The following AJAP1 variants were observed in gnomAD, a reference collection of about 807,000 sequenced individuals.
AJAP1 encodes the protein adherens junction-associated protein 1.
Under a neutral mutation model 35.0 loss-of-function variants are expected in AJAP1, and 5 were observed. The ratio of observed to expected loss-of-function variants is 0.14; its 90% confidence interval spans 0.07 to 0.30. The LOEUF (loss-of-function observed/expected upper bound fraction) is 0.30, where lower values mean the gene tolerates loss of function less well. Ranked by LOEUF, AJAP1 falls within the 10% of genes least tolerant of loss-of-function variation. AJAP1 has a pLI of 1.00. For synonymous variants in AJAP1, 284 were observed against 249.3 expected (o/e 1.14, Z -1.31); for missense variants, 586 against 571.0 (o/e 1.03, Z -0.27).
intron 2 of AJAP1, among the ~76,000 whole-genome samples, chr1:4,735,162 C>T (rs1275779733): frequency 6.6e-6 from 1 of 152,244 alleles, no homozygotes; most frequent in Admixed American, 6.5e-5. Flanking sequence ...CAAAAGCCTG[C>T]CACAGCACGC....
chr1:4,669,922 G>T (rs1430950984), intron 1 of AJAP1, among the ~76,000 whole-genome samples: 1 of 152,052 alleles, frequency 6.6e-6, no homozygotes, highest in Non-Finnish European at 1.5e-5. Flanking sequence ...ATCCTTTGAG[G>T]GACATACCTA....
At chr1:4,736,410 A>T (rs977884409) in intron 2 of AJAP1, among the ~76,000 whole-genome samples, 18 of 151,184 alleles carry the variant, frequency 1.2e-4, no homozygotes, top group African/African-American at 4.4e-4. Context: ...GTCACATCTT[A>T]CCCCCTCCCA....
In AJAP1 at chr1:4,711,870, C is replaced by T. The variant is rs200936818; in HGVS notation, c.30-30C>T. 3.0e-5 allele frequency: 43 copies of T among 1,436,880 alleles called. 1 individual carries two copies. In the East Asian group the frequency reaches 1.2e-3, roughly 40 times the overall value. 89.0% of individuals were successfully genotyped at this position (1,436,880 alleles called of 1,614,324 possible). On this transcript the variant is annotated intron_variant, in intron 1 of 5. Transcript: ENST00000378191. The stretch of plus-strand genomic sequence containing the variant: ...AGTCCCCCTCCTGGGCTTCCACTGA[C>T]CGCTCTTCTCTCCTTTCCCCCCCGC...
In AJAP1 at chr1:4,784,611, C is replaced by T. The variant is rs150334448; in HGVS notation, c.*2126C>T. 4 of 152,258 alleles carry T rather than the reference C, an allele frequency of 2.6e-5. No individual in the cohort carries two copies. Among genetic ancestry groups the T allele is most frequent in the Non-Finnish European group, 4.4e-5 (3 of 68,028 alleles). 9.4% of individuals were successfully genotyped at this position (152,258 alleles called of 1,614,324 possible). A position where few individuals can be genotyped will look rare whatever the true frequency, so the allele number is the denominator to read the frequency against. On this transcript the variant is annotated 3_prime_UTR_variant, in exon 6 of 6. Transcript: ENST00000378191. ...ACATGTGAACCTAGAGTAAGGCCTC[C>T]GGAGGTGAAAGGATTGTTTTTGTGA...
intron 2 of AJAP1, among the ~76,000 whole-genome samples, chr1:4,730,943 A>G (rs893940942): frequency 6.6e-6 from 1 of 152,200 alleles, no homozygotes; most frequent in Non-Finnish European, 1.5e-5. Flanking sequence ...CCTTTTGGGT[A>G]TGTCCTCTTA....
chr1:4,772,083 AT>A (rs111647192), intron 3 of AJAP1, among the ~76,000 whole-genome samples, 196 bp from the exon 4 acceptor site: 1,701 of 149,340 alleles, frequency 0.011, 19 homozygotes, highest in African/African-American at 0.024. Context: ...TTCAAATTTC[AT>A]TTTTTTTTTT....
intron 2 of AJAP1, among the ~76,000 whole-genome samples, chr1:4,721,059 G>A (rs1640504705): frequency 6.6e-6 from 1 of 152,224 alleles, no homozygotes; most frequent in Admixed American, 6.5e-5. Flanking sequence ...AGCTGGAATA[G>A]CACTTTACAG....
rs1317172937 is a variant in AJAP1 at position 4,788,717 on chromosome 1, G to A, written c.*6232G>A. On this transcript the variant is annotated 3_prime_UTR_variant, in exon 6 of 6. Transcript: ENST00000378191. ...TGGTTGCAGGGAGTTAAATACATAG[G>A]CCACAGCAGACTAAGGGAGCGGTGT... The A allele has an allele frequency of 6.6e-6, 1 of 152,220 alleles. No individual in the cohort carries two copies. Among genetic ancestry groups the A allele is most frequent in the Non-Finnish European group, 1.5e-5 (1 of 68,078 alleles). 9.4% of individuals were successfully genotyped at this position (152,220 alleles called of 1,614,324 possible).
Position 4,655,528 on chromosome 1 carries a change from T to C in AJAP1, c.29+74T>C. The stretch of plus-strand genomic sequence containing the variant: ...GCTGGGCGGAAGCGGCGCTTTCCTC[T>C]ATGTTGCAAATCAAGGGACCCCTCT... On this transcript the variant is annotated intron_variant, in intron 1 of 5. Coordinates refer to ENST00000378191, the MANE Select transcript of AJAP1 (RefSeq NM_018836.4). The surrounding 1 kb of genome is among the most constrained non-coding windows in gnomAD (Gnocchi z 6.9). The C allele has an allele frequency of 1.3e-6, 2 of 1,514,682 alleles. No homozygotes were observed. Among genetic ancestry groups the C allele is most frequent in the Non-Finnish European group, 1.8e-6 (2 of 1,120,176 alleles). 93.8% of individuals were successfully genotyped at this position (1,514,682 alleles called of 1,614,324 possible).
rs761837976 is a variant in AJAP1 at position 4,790,513 on chromosome 1, C to T, written c.*8028C>T. 2 of 152,218 alleles carry T rather than the reference C, an allele frequency of 1.3e-5. No individual in the cohort carries two copies. Among genetic ancestry groups the T allele is most frequent in the Non-Finnish European group, 2.9e-5 (2 of 68,042 alleles). 9.4% of individuals were successfully genotyped at this position (152,218 alleles called of 1,614,324 possible). On this transcript the variant is annotated 3_prime_UTR_variant, in exon 6 of 6. Coordinates refer to ENST00000378191, the MANE Select transcript of AJAP1 (RefSeq NM_018836.4). ...AAGCGGGGCAACTGGTTTTGAAAAG[C>T]CCGCTGGCGTGCCAGAGGGGGTGTT...
chr1:4,713,657 C>T (rs1640320469), intron 2 of AJAP1, among the ~76,000 whole-genome samples: 1 of 152,268 alleles, frequency 6.6e-6, no homozygotes, highest in African/African-American at 2.4e-5. Context: ...TTCTCTGCCT[C>T]TGTTAACAGG....
intron 2 of AJAP1, among the ~76,000 whole-genome samples, chr1:4,759,681 A>G (rs375292228): frequency 6.6e-6 from 1 of 152,330 alleles, no homozygotes; most frequent in South Asian, 2.1e-4. Flanking sequence ...CTGAAGTCAC[A>G]GCACCATGCC....
chr1:4,733,545 A>G (rs1022646115), intron 2 of AJAP1, among the ~76,000 whole-genome samples: 3 of 151,078 alleles, frequency 2.0e-5, no homozygotes, highest in African/African-American at 7.3e-5. Flanking sequence ...CATGGCATGC[A>G]GTCCAGTGGG....
At chr1:4,725,517 G>A (rs1640635404) in intron 2 of AJAP1, among the ~76,000 whole-genome samples, 1 of 152,242 alleles carries the variant, frequency 6.6e-6, no homozygotes, top group East Asian at 1.9e-4. Flanking sequence ...CCTCCCCTTC[G>A]AGGGGGCTTG....
chr1:4,672,985 T>A (rs1302227041), intron 1 of AJAP1, among the ~76,000 whole-genome samples: 2 of 152,150 alleles, frequency 1.3e-5, no homozygotes, highest in African/African-American at 4.8e-5. Context: ...CACAGCATCA[T>A]GGCTGGCTTG....
rs976074081 is a variant in AJAP1, at chr1:4,723,839, A to G, written c.829+11140A>G. On this transcript the variant is annotated intron_variant, in intron 2 of 5. Transcript: ENST00000378191. This position sits in a 1 kb window ranked among gnomAD's most constrained non-coding sequence, Gnocchi z 4.3. Reference sequence around the variant, plus strand: ...CAGGCACGTCTTTCTGCCAACGTGAATGACCCAGTAGAGAATGGAAATGGA... The same window carrying G: ...CAGGCACGTCTTTCTGCCAACGTGAGTGACCCAGTAGAGAATGGAAATGGA... Among the ~76,000 whole-genome samples, 1 of 152,026 alleles carries G rather than the reference A, an allele frequency of 6.6e-6. No homozygotes were observed. The highest frequency in any genetic ancestry group is 1.5e-5 in the Non-Finnish European group (1 of 67,998).
At chr1:4,729,191 C>T (rs1053153787) in intron 2 of AJAP1, among the ~76,000 whole-genome samples, 3 of 152,228 alleles carry the variant, frequency 2.0e-5, no homozygotes, top group South Asian at 4.1e-4. Context: ...AATGAATAAG[C>T]GGGCCCAGCC....
At chr1:4,660,707 A>G in intron 1 of AJAP1, among the ~76,000 whole-genome samples, 1 of 151,910 alleles carries the variant, frequency 6.6e-6, no homozygotes. Flanking sequence ...GGTGATGTGG[A>G]AATGGGGAAA....
chr1:4,674,706 G>C lies in AJAP1; in HGVS notation c.29+19252G>C, dbSNP rs536310187. Among the ~76,000 whole-genome samples, 8 of 152,304 alleles carry C rather than the reference G, an allele frequency of 5.3e-5. No homozygotes were observed. The East Asian group carries it at 1.4e-3, about 26-fold the overall frequency. On this transcript the variant is annotated intron_variant, in intron 1 of 5. Transcript: ENST00000378191. ...CCTTTCCTGGGCTCTGGTTCAGTGG[G>C]AAGCTCTCAGAGCTCTAGTTCTCTG...
Sources: gnomAD v4.1 joint callset for allele counts (sites outside exome capture counted in the v4.1 genomes callset) on GRCh38, gnomAD v4.1.1 for gene constraint, Gnocchi (gnomAD v3.1) non-coding constraint, MANE v1.5 for transcripts, NCBI Gene and HGNC (gene_info 2026-07-23, HGNC 2026-07-21) for gene names.